COL26A1: variants seen among roughly 807,000 people sequenced by gnomAD.
COL26A1 encodes collagen alpha-1(XXVI) chain.
A neutral mutation model predicts 59.3 loss-of-function variants in COL26A1; 41 were observed. The observed-to-expected ratio is 0.69, with a 90% CI of 0.54 to 0.90. COL26A1 has a LOEUF of 0.90. Among genes scored for constraint, COL26A1 ranks in the 40% least tolerant of loss-of-function variants. COL26A1 has a pLI of 0.00. For synonymous variants in COL26A1, 266 were observed against 256.0 expected (o/e 1.04, Z -0.37); for missense variants, 612 against 602.3 (o/e 1.02, Z -0.17).
At chr7:101,530,566 TA>T (rs558473831) in intron 3 of COL26A1, among the ~76,000 whole-genome samples, 543 of 90,212 alleles carry the variant, frequency 6.0e-3, no homozygotes, top group South Asian at 0.018. Context: ...ACTCTGTCTT[TA>T]AAAAAAAAAA....
At chr7:101,406,041 CCCT>C (rs1343452322) in intron 1 of COL26A1, among the ~76,000 whole-genome samples, 6 of 152,158 alleles carry the variant, frequency 3.9e-5, no homozygotes, top group Non-Finnish European at 5.9e-5. Flanking sequence ...GAGCCCCTCT[CCCT>C]CCTCCCCGGA....
intron 1 of COL26A1, among the ~76,000 whole-genome samples, chr7:101,371,401 C>T (rs1317274087): frequency 6.6e-6 from 1 of 152,088 alleles, no homozygotes; most frequent in Admixed American, 6.6e-5. Flanking sequence ...TTAATCCCAG[C>T]ACTTTGGGAG....
intron 3 of COL26A1, among the ~76,000 whole-genome samples, chr7:101,475,940 T>C (rs1252880740): frequency 2.7e-5 from 4 of 149,480 alleles, no homozygotes; most frequent in African/African-American, 9.8e-5. Context: ...CTCTCTTTCT[T>C]TCTTCTTTCT....
At chr7:101,528,835 C>T (rs2130629867) in intron 3 of COL26A1, among the ~76,000 whole-genome samples, 1 of 152,246 alleles carries the variant, frequency 6.6e-6, no homozygotes, top group East Asian at 1.9e-4. Flanking sequence ...AGCCATGAGC[C>T]ACCACACCCA....
intron 10 of COL26A1, 35 bp downstream of exon 10, chr7:101,551,178 TC>T: frequency 7.5e-7 from 1 of 1,340,878 alleles, no homozygotes; most frequent in Non-Finnish European, 9.7e-7. Context: ...CCTGGGCCAC[TC>T]CCAGGCAGAG....
At chr7:101,519,137 C>T (rs1795089022) in intron 3 of COL26A1, among the ~76,000 whole-genome samples, 1 of 152,170 alleles carries the variant, frequency 6.6e-6, no homozygotes, top group Non-Finnish European at 1.5e-5. Flanking sequence ...AACTCATCTC[C>T]AGGTAATCTG....
At chr7:101,466,580 C>G (rs568909359) in intron 3 of COL26A1, among the ~76,000 whole-genome samples, 3 of 152,152 alleles carry the variant, frequency 2.0e-5, no homozygotes, top group Admixed American at 6.5e-5. Context: ...GCACCTGCTA[C>G]TCAGGAGGCA....
In COL26A1 at chr7:101,470,281, A is replaced by AG. The variant is rs1158582586; in HGVS notation, c.385+22499dup. ...TGTCCAGCTAATTTTTTGTGTAGGG[A>AG]GGGGGTTTCACCATGTTGGCCAGGC... On this transcript the variant is annotated intron_variant, in intron 3 of 12. Transcript: ENST00000313669. 2.6e-5 allele frequency among the ~76,000 whole-genome samples: 4 copies of AG among 151,836 alleles called. No individual in the cohort carries two copies. The East Asian group carries it at 5.8e-4, about 22-fold the overall frequency.
intron 3 of COL26A1, among the ~76,000 whole-genome samples, chr7:101,484,143 C>T (rs1198223434): frequency 2.0e-5 from 3 of 151,872 alleles, no homozygotes; most frequent in Non-Finnish European, 4.4e-5. Flanking sequence ...AGCTACTGCA[C>T]CTGGCACTAG....
intron 2 of COL26A1, among the ~76,000 whole-genome samples, chr7:101,430,408 C>G (rs746308095): frequency 1.3e-5 from 2 of 151,966 alleles, no homozygotes; most frequent in African/African-American, 2.4e-5. Flanking sequence ...CCTGCCTCAG[C>G]CCCCTGAGTA....
At chr7:101,485,085 C>T (rs919896733) in intron 3 of COL26A1, among the ~76,000 whole-genome samples, 2 of 152,194 alleles carry the variant, frequency 1.3e-5, no homozygotes, top group Non-Finnish European at 2.9e-5. Context: ...CTCCTGGCCT[C>T]AAGTGATCCA....
intron 1 of COL26A1, among the ~76,000 whole-genome samples, chr7:101,368,444 A>T (rs1462502837): frequency 6.6e-6 from 1 of 152,228 alleles, no homozygotes; most frequent in East Asian, 1.9e-4. Context: ...GTGGCAGTGT[A>T]CAGCTGCAGC....
intron 3 of COL26A1, among the ~76,000 whole-genome samples, chr7:101,461,485 A>G (rs1402272741): frequency 6.6e-6 from 1 of 151,774 alleles, no homozygotes; most frequent in East Asian, 1.9e-4. Context: ...TTTAGTAGAG[A>G]TGGGGATTCG....
At chr7:101,436,796 A>G (rs902629973) in intron 2 of COL26A1, among the ~76,000 whole-genome samples, 3 of 151,062 alleles carry the variant, frequency 2.0e-5, no homozygotes, top group Non-Finnish European at 3.0e-5. Flanking sequence ...GCTCACTGCA[A>G]CCTCCACCTC....
intron 3 of COL26A1, among the ~76,000 whole-genome samples, chr7:101,460,753 CCTGGGTGATAGAGAGA>C (rs1292840895): frequency 6.6e-6 from 1 of 151,556 alleles, no homozygotes; most frequent in African/African-American, 2.4e-5. Flanking sequence ...TGCACTCCAG[CCTGGGTGATAGAGAGA>C]GACTCCATCT....
intron 3 of COL26A1, among the ~76,000 whole-genome samples, chr7:101,485,851 CCT>C (rs1794256997): frequency 6.6e-6 from 1 of 152,086 alleles, no homozygotes; most frequent in African/African-American, 2.4e-5. Context: ...TGTCTCTCAA[CCT>C]CTGATAGTGG....
intron 3 of COL26A1, among the ~76,000 whole-genome samples, chr7:101,530,566 TAAAAAAAAA>T (rs558473831): frequency 2.2e-5 from 2 of 90,248 alleles, no homozygotes; most frequent in African/African-American, 4.8e-5. Flanking sequence ...ACTCTGTCTT[TAAAAAAAAA>T]AAAAAAAAAA....
At chr7:101,431,400 T>G (rs535460312) in intron 2 of COL26A1, among the ~76,000 whole-genome samples, 1 of 151,994 alleles carries the variant, frequency 6.6e-6, no homozygotes, top group East Asian at 2.0e-4. Flanking sequence ...GCTGGGACTT[T>G]GGGCGTGTGC....
In COL26A1 at chr7:101,420,216, C is replaced by T; in HGVS notation, c.281+117C>T. On this transcript the variant is annotated intron_variant, in intron 2 of 12. Transcript: ENST00000313669. ...TGCTCACAGACAAAGGCTGAGCATG[C>T]ATTTATGGAGCACCTTCTGTATATA... is the stretch of plus-strand genomic sequence containing the variant. 8.2e-6 allele frequency: 10 copies of T among 1,225,672 alleles called. No homozygotes were observed. In the Admixed American group the frequency reaches 1.5e-4, roughly 18 times the overall value. The allele number at this position is 1,225,672 out of a possible 1,614,324, so 75.9% of individuals were successfully genotyped here.
Sources: gnomAD v4.1 joint callset for allele counts (sites outside exome capture counted in the v4.1 genomes callset) on GRCh38, gnomAD v4.1.1 for gene constraint, MANE v1.5 for transcripts, NCBI Gene and HGNC (gene_info 2026-07-23, HGNC 2026-07-21) for gene names.